Variants in SSH2 observed in about 807,000 individuals in gnomAD.
The protein encoded by SSH2 is protein phosphatase Slingshot homolog 2.
A neutral mutation model predicts 135.2 loss-of-function variants in SSH2; 37 were observed. That is an observed-to-expected ratio of 0.27 (90% CI 0.21 to 0.36). The LOEUF (loss-of-function observed/expected upper bound fraction) is 0.36, where lower values mean the gene tolerates loss of function less well. Among genes scored for constraint, SSH2 ranks in the 10% least tolerant of loss-of-function variants. The probability of loss-of-function intolerance (pLI) is 1.00; values close to 1 mark genes in which losing one functional copy is unlikely to be tolerated. For missense variants in SSH2, 1,408 were observed against 1,765.3 expected (o/e 0.80, Z 3.63); for synonymous variants, 628 against 646.2 (o/e 0.97, Z 0.43).
intron 3 of SSH2, among the ~76,000 whole-genome samples, chr17:29,764,136 A>G (rs1424724434): frequency 5.3e-5 from 8 of 152,028 alleles, no homozygotes; most frequent in Non-Finnish European, 1.0e-4. Context: ...TTTTTAGTAG[A>G]AACAGGGTTT....
Position 29,631,896 on chromosome 17 carries a change from G to T in SSH2, c.3298C>A (p.Pro1100Thr). 6.2e-7 allele frequency: 1 copy of T among 1,614,176 alleles called. No homozygotes were observed. Among genetic ancestry groups the T allele is most frequent in the Non-Finnish European group, 8.5e-7 (1 of 1,180,024 alleles). ...TLDPNQVSLH[P>T]QVLPLPHSSS... ...GAATGAGGCAGAGGTAGCACTTGGG[G>T]GTGCAGAGAAACCTGGTTGGGGTCC... Residue 1100 changes from proline (P) to threonine (T), a missense_variant, in exon 16 of 16, where the codon CCC (proline) becomes ACC (threonine). By Grantham distance (38) the Pro-to-Thr change is conservative. This residue lies in a region of SSH2 where 1,080 missense variants were observed against 1,144.5 expected (regional missense o/e 0.94). Coordinates refer to ENST00000540801, the MANE Select transcript of SSH2 (RefSeq NM_001282129.2).
chr17:29,816,118 G>A (rs1341423320), intron 2 of SSH2, among the ~76,000 whole-genome samples: 1 of 152,022 alleles, frequency 6.6e-6, no homozygotes, highest in Non-Finnish European at 1.5e-5. Context: ...CAAAGTGCTG[G>A]GATTACAGAT....
chr17:29,668,145 C>T (rs1449227331), intron 9 of SSH2, among the ~76,000 whole-genome samples: 1 of 152,208 alleles, frequency 6.6e-6, no homozygotes. Context: ...ATGGACTAAG[C>T]TTTCAGGCAT....
chr17:29,898,429 A>G (rs1444108454), intron 1 of SSH2, among the ~76,000 whole-genome samples: 1 of 152,162 alleles, frequency 6.6e-6, no homozygotes, highest in African/African-American at 2.4e-5. Context: ...TAGACACAAT[A>G]AAAAATGATA....
chr17:29,746,704 A>G (rs927946855), intron 3 of SSH2, among the ~76,000 whole-genome samples: 1 of 152,124 alleles, frequency 6.6e-6, no homozygotes, highest in Middle Eastern at 3.2e-3. Flanking sequence ...AAGAAATGGC[A>G]TCTCCCAAGA....
Position 29,655,565 on chromosome 17 carries a change from G to A in SSH2, c.1075C>T (p.Arg359Ter). The change falls in exon 12 of 16, where the codon CGA (arginine) becomes TGA (stop). Residue 359 changes from arginine to a stop codon, truncating the protein, a stop_gained. Transcript: ENST00000540801. LOFTEE classifies it high-confidence loss of function. ...GCTATTGCTTTGTGTGCTTACCCTC[G>A]GTTCTGTAAGTCCTCTAAGTTGGAG... Reference protein sequence around the residue: ...NASNLEDLQNRGVRYILNVTR... With the variant: ...NASNLEDLQN 1 of 1,613,944 alleles carries A rather than the reference G, an allele frequency of 6.2e-7. No individual in the cohort carries two copies. The highest frequency in any genetic ancestry group is 8.5e-7 in the Non-Finnish European group (1 of 1,179,924).
At chr17:29,867,013 T>C (rs2065865459) in intron 1 of SSH2, among the ~76,000 whole-genome samples, 1 of 152,028 alleles carries the variant, frequency 6.6e-6, no homozygotes, top group Non-Finnish European at 1.5e-5. Context: ...TTTTGATTTT[T>C]TTTTTTTTGG....
intron 2 of SSH2, among the ~76,000 whole-genome samples, chr17:29,831,403 A>G (rs961698778): frequency 6.6e-6 from 1 of 152,120 alleles, no homozygotes; most frequent in Non-Finnish European, 1.5e-5. Context: ...AGTATTTCCT[A>G]TATTTTCATC....
At chr17:29,795,811 G>C (rs1390493237) in intron 2 of SSH2, among the ~76,000 whole-genome samples, 1 of 151,620 alleles carries the variant, frequency 6.6e-6, no homozygotes, top group Non-Finnish European at 1.5e-5. Flanking sequence ...ATGCGATCTC[G>C]ACTCACTGCA....
intron 3 of SSH2, among the ~76,000 whole-genome samples, chr17:29,710,547 T>C (rs1033549888): frequency 6.6e-6 from 1 of 152,214 alleles, no homozygotes; most frequent in Non-Finnish European, 1.5e-5. Flanking sequence ...TGATAAGCCT[T>C]CTCTGCTTCG....
chr17:29,917,482 A>G (rs2066903032), intron 1 of SSH2, among the ~76,000 whole-genome samples: 1 of 152,176 alleles, frequency 6.6e-6, no homozygotes, highest in Admixed American at 6.5e-5. Context: ...ATTTGAAGGC[A>G]AAGGTAATGC....
chr17:29,857,444 G>C (rs1168265511), intron 1 of SSH2, among the ~76,000 whole-genome samples: 1 of 151,828 alleles, frequency 6.6e-6, no homozygotes, highest in Non-Finnish European at 1.5e-5. Context: ...CAACACGTGG[G>C]AATTCAAGAT....
chr17:29,648,059 T>C, intron 14 of SSH2, 85 bp downstream of exon 14: 1 of 1,260,846 alleles, frequency 7.9e-7, no homozygotes, highest in Non-Finnish European at 1.1e-6. Flanking sequence ...CCAAATCAGC[T>C]TGAGAAGTAG....
chr17:29,854,807 T>G (rs1276134997), intron 1 of SSH2, among the ~76,000 whole-genome samples: 5 of 151,814 alleles, frequency 3.3e-5, no homozygotes, highest in African/African-American at 4.8e-5. Flanking sequence ...ATTAGCTGGG[T>G]GTGGTGGCAG....
At chr17:29,689,402 A>C (rs1321603893) in intron 5 of SSH2, among the ~76,000 whole-genome samples, 1 of 152,220 alleles carries the variant, frequency 6.6e-6, no homozygotes, top group African/African-American at 2.4e-5. Flanking sequence ...ATGTTTCTTC[A>C]GTCTCCAGAA....
intron 1 of SSH2, among the ~76,000 whole-genome samples, chr17:29,896,369 G>A (rs1310028562): frequency 1.5e-5 from 2 of 137,648 alleles, no homozygotes; most frequent in African/African-American, 2.7e-5. Flanking sequence ...TGTATAAAAT[G>A]TATTTTATAT....
intron 2 of SSH2, among the ~76,000 whole-genome samples, chr17:29,828,736 T>G (rs1430079172): frequency 6.6e-6 from 1 of 152,204 alleles, no homozygotes; most frequent in Non-Finnish European, 1.5e-5. Context: ...TCAAATACTA[T>G]CAACAATTAA....
intron 1 of SSH2, among the ~76,000 whole-genome samples, chr17:29,896,360 G>A (rs986617699): frequency 1.5e-4 from 20 of 133,800 alleles, no homozygotes; most frequent in Non-Finnish European, 2.9e-4. Flanking sequence ...CACATTTCAT[G>A]TATAAAATGT....
In SSH2 at chr17:29,742,491, T is replaced by TTG. The variant is rs1555625214; in HGVS notation, c.189-39430_189-39429insCA. Among the ~76,000 whole-genome samples, 3 of 146,722 alleles carry TTG rather than the reference T, an allele frequency of 2.0e-5. 1 individual carries two copies. The highest frequency in any genetic ancestry group is 1.3e-4 in the Admixed American group (2 of 14,838). On this transcript the variant is annotated intron_variant, in intron 3 of 15. Transcript: ENST00000540801. ...GTGCCACCACACCCAGTTTTTTTTT[T>TTG]TTTTTTTTTCTTTTCAATTTTTTGT... is the stretch of plus-strand genomic sequence containing the variant.
Sources: allele counts gnomAD v4.1 joint callset (sites outside exome capture counted in the v4.1 genomes callset), GRCh38; gene constraint gnomAD v4.1.1; regional missense constraint gnomAD v4.1.1; transcripts MANE v1.5; gene names NCBI Gene and HGNC (gene_info 2026-07-23, HGNC 2026-07-21).